The following RBFOX1 variants were observed in gnomAD, a reference collection of about 807,000 sequenced individuals.
RBFOX1 encodes the protein RNA binding protein fox-1 homolog 1.
Under a neutral mutation model 57.7 loss-of-function variants are expected in RBFOX1, and 8 were observed. That is an observed-to-expected ratio of 0.14 (90% CI 0.08 to 0.25). The LOEUF is 0.25. RBFOX1 is among the 10% of genes least tolerant of loss of function. RBFOX1 has a pLI of 1.00. For synonymous variants in RBFOX1, 326 were observed against 222.4 expected, an observed-to-expected ratio of 1.47 and a Z score of -4.15; for missense variants, 611 against 548.5, an observed-to-expected ratio of 1.11 and a Z score of -1.14.
At chr16:7,587,863 G>A (rs1409505038) in intron 7 of RBFOX1, among the ~76,000 whole-genome samples, 1 of 152,192 alleles carries the variant, frequency 6.6e-6, no homozygotes, top group Non-Finnish European at 1.5e-5. Flanking sequence ...TCTATGGAGA[G>A]GTTTGGGTTC....
At chr16:6,213,815 C>T (rs1283959274) in intron 1 of RBFOX1, among the ~76,000 whole-genome samples, 2 of 152,186 alleles carry the variant, frequency 1.3e-5, no homozygotes, top group African/African-American at 2.4e-5. Flanking sequence ...GGGTTCTCAA[C>T]CTCATCACTG....
At chr16:7,207,424 A>T (rs2090216851) in intron 4 of RBFOX1, among the ~76,000 whole-genome samples, 1 of 152,200 alleles carries the variant, frequency 6.6e-6, no homozygotes, top group Non-Finnish European at 1.5e-5. Flanking sequence ...GGAACTCAAC[A>T]GCACAAAATA....
At chr16:5,667,304 G>A (rs146446566) in intron 3 of RBFOX1, among the ~76,000 whole-genome samples, 12 of 152,154 alleles carry the variant, frequency 7.9e-5, no homozygotes, top group East Asian at 1.9e-4. Context: ...TTTCTAATAC[G>A]TACATGTAAG....
chr16:7,708,090 T>TAACA (rs1187778648), intron 14 of RBFOX1, among the ~76,000 whole-genome samples: 1 of 152,128 alleles, frequency 6.6e-6, no homozygotes, highest in African/African-American at 2.4e-5. Context: ...CCTGTAATCC[T>TAACA]AACACTGAGA....
chr16:5,765,685 C>G (rs371739184), intron 3 of RBFOX1, among the ~76,000 whole-genome samples: 2 of 152,298 alleles, frequency 1.3e-5, no homozygotes, highest in South Asian at 2.1e-4. Context: ...GGTATGGACT[C>G]GCCCCAAGGG....
chr16:5,628,900 C>G (rs2048421437), intron 3 of RBFOX1, among the ~76,000 whole-genome samples: 1 of 152,140 alleles, frequency 6.6e-6, no homozygotes, highest in Non-Finnish European at 1.5e-5. Flanking sequence ...GACGTTAGTC[C>G]TAAGTCAGAT....
At chr16:7,361,945 C>T (rs1441968896) in intron 4 of RBFOX1, among the ~76,000 whole-genome samples, 10 of 129,692 alleles carry the variant, frequency 7.7e-5, no homozygotes, top group African/African-American at 3.0e-4. Flanking sequence ...TATGTGTGTG[C>T]ATGTTTTGTG....
chr16:5,787,176 T>C (rs2054531599), intron 3 of RBFOX1, among the ~76,000 whole-genome samples: 1 of 152,142 alleles, frequency 6.6e-6, no homozygotes, highest in South Asian at 2.1e-4. Flanking sequence ...GCATTTCTTT[T>C]TGTGAAGAAG....
At chr16:5,253,348 C>G (rs1025033525) in intron 1 of RBFOX1, among the ~76,000 whole-genome samples, 1 of 152,130 alleles carries the variant, frequency 6.6e-6, no homozygotes, top group African/African-American at 2.4e-5. Flanking sequence ...GAGGGAGTTT[C>G]ACCATGTTGG....
At chr16:7,083,544 C>T (rs1030441371) in intron 4 of RBFOX1, among the ~76,000 whole-genome samples, 5 of 152,148 alleles carry the variant, frequency 3.3e-5, no homozygotes, top group African/African-American at 1.2e-4. Context: ...CACCGTGGAT[C>T]AAATGGGTTT....
chr16:6,797,840 C>T (rs140508548), intron 3 of RBFOX1, among the ~76,000 whole-genome samples: 61 of 152,254 alleles, frequency 4.0e-4, no homozygotes, highest in African/African-American at 1.3e-3. Flanking sequence ...GCTCTAGAAC[C>T]ACTCGACTTG....
intron 1 of RBFOX1, among the ~76,000 whole-genome samples, chr16:5,328,728 C>T (rs773132588): frequency 1.4e-4 from 22 of 152,338 alleles, no homozygotes; most frequent in Middle Eastern, 3.4e-3. Context: ...AAGCCCACCC[C>T]CTGGACACAG....
At chr16:6,543,933 G>T (rs566013292) in intron 2 of RBFOX1, among the ~76,000 whole-genome samples, 1 of 152,176 alleles carries the variant, frequency 6.6e-6, no homozygotes, top group Admixed American at 6.5e-5. Flanking sequence ...GGAATAAAAA[G>T]TATAAGGGCA....
At chr16:5,825,206 T>G in intron 3 of RBFOX1, among the ~76,000 whole-genome samples, 1 of 152,244 alleles carries the variant, frequency 6.6e-6, no homozygotes, top group East Asian at 1.9e-4. Context: ...CAAGCGTTGC[T>G]TAACTTCTTC....
chr16:7,089,091 T>C (rs11866738), intron 4 of RBFOX1, among the ~76,000 whole-genome samples: 60,474 of 151,988 alleles, frequency 0.4, 12,315 homozygotes, highest in East Asian at 0.54. Flanking sequence ...TTGCCCCCTT[T>C]CTTTGGGACA....
chr16:6,129,204 A>G (rs1439077685), intron 1 of RBFOX1, among the ~76,000 whole-genome samples: 1 of 152,220 alleles, frequency 6.6e-6, no homozygotes, highest in African/African-American at 2.4e-5. Context: ...CTGATGTGTC[A>G]TGGATATTAG....
intron 3 of RBFOX1, among the ~76,000 whole-genome samples, chr16:6,768,794 A>G (rs891028642): frequency 2.0e-5 from 3 of 150,530 alleles, no homozygotes; most frequent in African/African-American, 7.3e-5. Context: ...AATGGGGCGA[A>G]CTCAGCTCAC....
chr16:7,033,501 T>C (rs1276934509), intron 3 of RBFOX1, among the ~76,000 whole-genome samples: 2 of 151,982 alleles, frequency 1.3e-5, no homozygotes, highest in Non-Finnish European at 2.9e-5. Context: ...GCCTAGGGGA[T>C]AGAGGGAGAC....
chr16:5,384,659 G>A (rs2066212162), intron 1 of RBFOX1, among the ~76,000 whole-genome samples: 1 of 152,188 alleles, frequency 6.6e-6, no homozygotes, highest in Non-Finnish European at 1.5e-5. Flanking sequence ...GAAATTTTAT[G>A]ATAGTTTTCG....
Sources: allele counts gnomAD v4.1 joint callset (sites outside exome capture counted in the v4.1 genomes callset), GRCh38; gene constraint gnomAD v4.1.1; transcripts MANE v1.5; gene names NCBI Gene and HGNC (gene_info 2026-07-23, HGNC 2026-07-21).